The following A2ML1 variants were observed in gnomAD, a reference collection of about 807,000 sequenced individuals.
A2ML1 encodes alpha-2-macroglobulin-like protein 1.
Under a neutral mutation model 181.9 loss-of-function variants are expected in A2ML1, and 161 were observed. The ratio of observed to expected loss-of-function variants is 0.89; its 90% CI spans 0.78 to 1.01. A2ML1 has a LOEUF of 1.01. Ranked by LOEUF, A2ML1 falls within the 50% of genes least tolerant of loss-of-function variation. A2ML1 has a pLI of 0.00. For synonymous variants in A2ML1, 663 were observed against 666.8 expected (o/e 0.99, Z 0.09); for missense variants, 1,670 against 1,768.1 (o/e 0.94, Z 1.00).
At chr12:8,840,355 CT>C (rs1592118523) in intron 10 of A2ML1, among the ~76,000 whole-genome samples, 1 of 57,814 alleles carries the variant, frequency 1.7e-5, no homozygotes, top group East Asian at 3.0e-3. Context: ...GCGAGACTGT[CT>C]CAAAAAAAAA....
chr12:8,865,816 T>A (rs1944407231), intron 29 of A2ML1, among the ~76,000 whole-genome samples: 2 of 152,232 alleles, frequency 1.3e-5, no homozygotes, highest in Non-Finnish European at 2.9e-5. Flanking sequence ...CATTAATCTA[T>A]GTATTCTGAA....
intron 4 of A2ML1, among the ~76,000 whole-genome samples, chr12:8,833,700 G>T (rs1943188845): frequency 6.6e-6 from 1 of 152,102 alleles, no homozygotes; most frequent in African/African-American, 2.4e-5. Context: ...CTGGCCTAAA[G>T]AAGTGTTTGT....
At chr12:8,854,436 G>A (rs1165162707) in intron 21 of A2ML1, among the ~76,000 whole-genome samples, 187 bp downstream of exon 21, 4 of 152,050 alleles carry the variant, frequency 2.6e-5, no homozygotes, top group Non-Finnish European at 5.9e-5. Context: ...CCTAAAACCC[G>A]GCACCTCATA....
At chr12:8,840,375 A>T (rs1386214679) in intron 10 of A2ML1, among the ~76,000 whole-genome samples, 1 of 148,804 alleles carries the variant, frequency 6.7e-6, no homozygotes, top group East Asian at 2.0e-4. Flanking sequence ...AAAAAAAAAG[A>T]TAAATACATA....
At chr12:8,844,789 G>A (rs970030381) in intron 12 of A2ML1, among the ~76,000 whole-genome samples, 1 of 152,190 alleles carries the variant, frequency 6.6e-6, no homozygotes, top group Non-Finnish European at 1.5e-5. Flanking sequence ...TCTGTCTTCA[G>A]GACCGAAGTG....
At chr12:8,831,177 T>A (rs1163490470) in intron 4 of A2ML1, among the ~76,000 whole-genome samples, 2 of 152,092 alleles carry the variant, frequency 1.3e-5, no homozygotes, top group Non-Finnish European at 1.5e-5. Context: ...CGCAGGCCGG[T>A]CTTGAGCTCC....
intron 33 of A2ML1, among the ~76,000 whole-genome samples, chr12:8,873,404 T>C (rs989224449): frequency 6.6e-6 from 1 of 152,120 alleles, no homozygotes; most frequent in African/African-American, 2.4e-5. Context: ...AAGTAACTTA[T>C]ACAATTGCCT....
intron 4 of A2ML1, 82 bp from the exon 5 acceptor site, chr12:8,834,580 T>C: frequency 6.6e-7 from 1 of 1,525,068 alleles, no homozygotes; most frequent in Non-Finnish European, 9.0e-7. Flanking sequence ...GGAAGAATTC[T>C]TTGTGAACTT....
Position 8,841,457 on chromosome 12 carries a change from C to T in A2ML1, c.1169C>T (p.Thr390Ile). The change falls in exon 11 of 36, where the codon ACC becomes ATC. Residue 390 changes from threonine to isoleucine, a missense_variant. By Grantham distance (89) the Thr-to-Ile change is moderately conservative. Transcript: ENST00000299698. ...IYGTNGTFNQ[T>I]LVTDNNGLAP... is the part of the protein sequence containing the mutation. ...GGCACAAATGGAACCTTCAACCAGA[C>T]CCTGGTTACTGATAACAATGGCCTA... 2 of 1,613,862 alleles carry T rather than the reference C, an allele frequency of 1.2e-6. No homozygotes were observed. Among genetic ancestry groups the T allele is most frequent in the Non-Finnish European group, 1.7e-6 (2 of 1,179,792 alleles).
chr12:8,856,898 C>CTTTTTGTTTTT (rs1944081859), intron 23 of A2ML1, among the ~76,000 whole-genome samples: 1 of 124,962 alleles, frequency 8.0e-6, no homozygotes, highest in African/African-American at 3.0e-5. Flanking sequence ...ACAGTAGGTA[C>CTTTTTGTTTTT]TTTTTTTTTT....
chr12:8,877,685 G>T (rs10771153), downstream of A2ML1, among the ~76,000 whole-genome samples: 59,786 of 151,922 alleles, frequency 0.39, 12,777 homozygotes, highest in Non-Finnish European at 0.48. Context: ...CAGAAAATAA[G>T]AGATGTTGGC....
chr12:8,831,788 T>G (rs984642331), intron 4 of A2ML1, among the ~76,000 whole-genome samples: 3 of 152,114 alleles, frequency 2.0e-5, no homozygotes, highest in African/African-American at 7.2e-5. Context: ...TCATTCTTGT[T>G]GCCCAGGCTG....
chr12:8,874,334 A>T, intron 33 of A2ML1, 91 bp from the exon 34 acceptor site: 1 of 1,056,454 alleles, frequency 9.5e-7, no homozygotes, highest in Non-Finnish European at 1.4e-6. Context: ...GAAAATCTAC[A>T]TGAAGACAGC....
In A2ML1 at chr12:8,835,965, A is replaced by G. The variant is rs766459303; in HGVS notation, c.644-290A>G. 3.4e-5 allele frequency among the ~76,000 whole-genome samples: 5 copies of G among 146,132 alleles called. No individual in the cohort carries two copies. The South Asian group carries it at 1.1e-3, about 32-fold the overall frequency. On this transcript the variant is annotated intron_variant, in intron 6 of 35. Transcript: ENST00000299698. ...GAGGTGCAGCTTGCAGTGAGCTGACATCACGCCACTGCACTCCAGCCTGGG... is the reference window on the plus strand; with the variant it reads ...GAGGTGCAGCTTGCAGTGAGCTGACGTCACGCCACTGCACTCCAGCCTGGG...
At chr12:8,843,731 T>TC (rs1167899688) in intron 12 of A2ML1, among the ~76,000 whole-genome samples, 5 of 150,716 alleles carry the variant, frequency 3.3e-5, no homozygotes, top group Admixed American at 3.3e-4. Context: ...CTTTTTTTTT[T>TC]TTTTTGAGAC....
rs1186757188 is a variant in A2ML1 at position 8,846,167 on chromosome 12, G to A, written c.1628G>A (p.Gly543Glu). ...GTGATCTATGCCATTTTTCCCAGTG[G>A]AGGTGTTGTAGCTGACAAAATTCAG... Reference protein sequence around the residue: ...SLVIYAIFPSGGVVADKIQFS... With the variant: ...SLVIYAIFPSEGVVADKIQFS... Residue 543 changes from glycine to glutamate, a missense_variant, in exon 14 of 36, where the codon GGA (glycine) becomes GAA (glutamate). Physicochemically the swap from Gly to Glu is moderately conservative, Grantham distance 98 (BLOSUM62 -2). Transcript: ENST00000299698. The A allele has an allele frequency of 6.2e-7, 1 of 1,614,042 alleles. No homozygotes were observed. Among genetic ancestry groups the A allele is most frequent in the African/African-American group, 1.3e-5 (1 of 74,928 alleles).
chr12:8,835,738 G>T, intron 6 of A2ML1, 72 bp downstream of exon 6: 1 of 1,582,846 alleles, frequency 6.3e-7, no homozygotes, highest in Non-Finnish European at 8.6e-7. Flanking sequence ...GTGGAGCCGG[G>T]CGCAGTGGCT....
At chr12:8,872,167 A>G (rs1476137037) in intron 33 of A2ML1, among the ~76,000 whole-genome samples, 1 of 149,604 alleles carries the variant, frequency 6.7e-6, no homozygotes, top group Non-Finnish European at 1.5e-5. Flanking sequence ...CAACGGTGCA[A>G]GACTCCATCT....
chr12:8,885,468 A>G (rs1295446866), intron 7 of A2ML1, among the ~76,000 whole-genome samples: 1 of 151,722 alleles, frequency 6.6e-6, no homozygotes, highest in East Asian at 1.9e-4. Context: ...TTTTTTTTAG[A>G]AAACAGGGTC....
Sources: allele counts gnomAD v4.1 joint callset (sites outside exome capture counted in the v4.1 genomes callset), GRCh38; gene constraint gnomAD v4.1.1; transcripts MANE v1.5; gene names NCBI Gene and HGNC (gene_info 2026-07-23, HGNC 2026-07-21).